Variants in TEX9 observed in about 807,000 individuals in gnomAD.
TEX9 encodes testis-expressed protein 9.
TEX9 carries 74 observed loss-of-function variants against 59.6 expected under a neutral mutation model. The ratio of observed to expected loss-of-function variants is 1.24; its 90% CI spans 1.03 to 1.51. The LOEUF is 1.51. Ranked by LOEUF, TEX9 falls within the 40% of genes most tolerant of loss-of-function variation. The pLI is 0.00. For missense variants in TEX9, 522 were observed against 447.8 expected, an observed-to-expected ratio of 1.17 and a Z score of -1.49; for synonymous variants, 186 against 152.2, an observed-to-expected ratio of 1.22 and a Z score of -1.64.
At chr15:56,439,793 C>A (rs1308335670) in intron 12 of TEX9, among the ~76,000 whole-genome samples, 2 of 147,370 alleles carry the variant, frequency 1.4e-5, no homozygotes, top group African/African-American at 2.5e-5. Context: ...CACACACACA[C>A]AAACCTTTAG....
chr15:56,356,932 C>G (rs2046695558), intron 1 of TEX9, among the ~76,000 whole-genome samples: 1 of 151,926 alleles, frequency 6.6e-6, no homozygotes. Context: ...GCTAGGACTT[C>G]CAGAACAGTG....
intron 10 of TEX9, among the ~76,000 whole-genome samples, chr15:56,416,972 A>G (rs998763576): frequency 6.6e-6 from 1 of 151,686 alleles, no homozygotes; most frequent in African/African-American, 2.4e-5. Context: ...CATCTCTTCT[A>G]GGTTTTCTAG....
At chr15:56,391,269 A>C in exon 7 of TEX9, 1 of 1,576,690 alleles carries the variant, frequency 6.3e-7, no homozygotes, top group East Asian at 2.3e-5. Flanking sequence ...TCTGATGTCC[A>C]AACTGCCGAC....
intron 1 of TEX9, among the ~76,000 whole-genome samples, chr15:56,310,985 C>T (rs1179946374): frequency 9.2e-5 from 14 of 152,236 alleles, no homozygotes; most frequent in South Asian, 4.2e-4. Flanking sequence ...TGACCTCAGA[C>T]GAACACCCTC....
At chr15:56,431,540 A>ATCTT in intron 12 of TEX9, 1 of 1,606,032 alleles carries the variant, frequency 6.2e-7, no homozygotes. Context: ...AAGTACATTA[A>ATCTT]TCTTATACGA....
intron 1 of TEX9, among the ~76,000 whole-genome samples, chr15:56,346,845 C>T (rs191389853): frequency 1.0e-3 from 152 of 152,164 alleles, no homozygotes; most frequent in Admixed American, 2.3e-3. Flanking sequence ...AGAAATCTAC[C>T]GGAAATCTCC....
chr15:56,332,902 A>G (rs2046181307), intron 1 of TEX9, among the ~76,000 whole-genome samples: 1 of 152,174 alleles, frequency 6.6e-6, no homozygotes, highest in Non-Finnish European at 1.5e-5. Context: ...CTATATGCTA[A>G]TAAATTGGAA....
chr15:56,424,700 C>T (rs2050157469), intron 10 of TEX9, among the ~76,000 whole-genome samples: 1 of 152,062 alleles, frequency 6.6e-6, no homozygotes, highest in South Asian at 2.1e-4. Flanking sequence ...GTTATGTACC[C>T]ATTAACAAAG....
chr15:56,269,627 G>A (rs1490770131), intron 1 of TEX9, among the ~76,000 whole-genome samples: 2 of 151,070 alleles, frequency 1.3e-5, no homozygotes, highest in Non-Finnish European at 2.9e-5. Flanking sequence ...GGAGTTGTGC[G>A]GTTCTGAATG....
chr15:56,245,525 G>A (rs746151864), intron 1 of TEX9, among the ~76,000 whole-genome samples: 2 of 152,182 alleles, frequency 1.3e-5, no homozygotes, highest in Admixed American at 6.5e-5. Context: ...CTTCATGTGG[G>A]TGTGTAAAGA....
At chr15:56,333,105 A>G (rs538462957) in intron 1 of TEX9, among the ~76,000 whole-genome samples, 1 of 152,266 alleles carries the variant, frequency 6.6e-6, no homozygotes, top group Admixed American at 6.5e-5. Flanking sequence ...AGAAGAAGTA[A>G]TAACAATCAT....
At chr15:56,459,135 CT>C in the TEX9 span, among the ~76,000 whole-genome samples, 7 of 152,208 alleles carry the variant, frequency 4.6e-5, no homozygotes, top group Non-Finnish European at 8.8e-5. Flanking sequence ...CCCCCAACCC[CT>C]GGCACCTACT....
chr15:56,311,768 A>C (rs1264790550), intron 1 of TEX9, among the ~76,000 whole-genome samples: 2 of 144,090 alleles, frequency 1.4e-5, no homozygotes, highest in Admixed American at 1.4e-4. Flanking sequence ...CAACAGTGTA[A>C]AAGTGTTCCT....
chr15:56,450,940 A>G (rs1211549700), downstream of TEX9, among the ~76,000 whole-genome samples: 2 of 152,176 alleles, frequency 1.3e-5, no homozygotes, highest in Non-Finnish European at 2.9e-5. Flanking sequence ...TAGATGTGAA[A>G]CAGTTTCTTC....
At chr15:56,270,990 C>G (rs2044515116) in intron 1 of TEX9, among the ~76,000 whole-genome samples, 1 of 152,192 alleles carries the variant, frequency 6.6e-6, no homozygotes, top group Non-Finnish European at 1.5e-5. Flanking sequence ...TGTGGAGTTT[C>G]TGCTGAGAGA....
chr15:56,394,959 C>A, intron 9 of TEX9, 125 bp downstream of exon 9: 1 of 911,654 alleles, frequency 1.1e-6, no homozygotes, highest in Non-Finnish European at 1.6e-6. Flanking sequence ...AAAACTCTTT[C>A]CCCTTACATA....
At chr15:56,424,162 A>G (rs556552146) in intron 10 of TEX9, among the ~76,000 whole-genome samples, 197 of 152,172 alleles carry the variant, frequency 1.3e-3, no homozygotes, top group Non-Finnish European at 2.4e-3. Context: ...AGGCACTTTA[A>G]TGTTTGGTAC....
chr15:56,385,087 G>T (rs533535644), intron 4 of TEX9, among the ~76,000 whole-genome samples: 1 of 152,160 alleles, frequency 6.6e-6, no homozygotes, highest in South Asian at 2.1e-4. Context: ...ATTTGTCTCA[G>T]CATTATTTGT....
At chr15:56,356,963 G>A (rs553310896) in intron 1 of TEX9, among the ~76,000 whole-genome samples, 2 of 152,134 alleles carry the variant, frequency 1.3e-5, no homozygotes, top group South Asian at 2.1e-4. Context: ...TAGTGATCTC[G>A]TATTTAGCTG....
Sources: gnomAD v4.1 joint callset for allele counts (sites outside exome capture counted in the v4.1 genomes callset) on GRCh38, gnomAD v4.1.1 for gene constraint, MANE v1.5 for transcripts, NCBI Gene and HGNC (gene_info 2026-07-23, HGNC 2026-07-21) for gene names.